Variants in CDH13 observed in about 807,000 individuals in gnomAD.
The protein encoded by CDH13 is cadherin 13.
Under a neutral mutation model 63.8 loss-of-function variants are expected in CDH13, and 24 were observed. The ratio of observed to expected loss-of-function variants is 0.38; its 90% CI spans 0.27 to 0.53. The LOEUF is 0.53. Ranked by LOEUF, CDH13 falls within the 20% of genes least tolerant of loss-of-function variation. The pLI, the probability that CDH13 is intolerant of heterozygous loss-of-function variation, is 0.85. For synonymous variants in CDH13, 503 were observed against 355.3 expected (o/e 1.42, Z -4.67); for missense variants, 1,049 against 903.1 (o/e 1.16, Z -2.07).
At position 83,486,611 on chromosome 16, in the gene CDH13, G is replaced by A; in HGVS notation, c.916G>A (p.Gly306Arg). The part of the protein sequence containing the change: ...PNMFYIDPEK[G>R]DIVTVVSPAL... ...CATGTTCTACATCGATCCTGAGAAA[G>A]GAGACATTGTCACTGTTGTGTCACC... Residue 306 changes from glycine (G) to arginine (R), a missense_variant, in exon 7 of 14, where the codon GGA becomes AGA. Physicochemically the swap from Gly to Arg is moderately radical, Grantham distance 125 (BLOSUM62 -2). Transcript: ENST00000567109. 6.2e-7 allele frequency: 1 copy of A among 1,613,964 alleles called. No homozygotes were observed. The highest frequency in any genetic ancestry group is 8.5e-7 in the Non-Finnish European group (1 of 1,179,848).
chr16:83,148,020 G>C (rs2036823072), intron 4 of CDH13, among the ~76,000 whole-genome samples: 1 of 152,144 alleles, frequency 6.6e-6, no homozygotes, highest in Non-Finnish European at 1.5e-5. Context: ...TGCAACCTCA[G>C]CCTCCTAGGT....
At chr16:83,590,728 G>C (rs191774001) in intron 7 of CDH13, among the ~76,000 whole-genome samples, 26 of 152,248 alleles carry the variant, frequency 1.7e-4, no homozygotes, top group Admixed American at 1.4e-3. Flanking sequence ...CCTGCATTGA[G>C]TCATACATTC....
intron 5 of CDH13, among the ~76,000 whole-genome samples, chr16:83,290,312 C>T (rs570622790): frequency 6.6e-4 from 100 of 152,318 alleles, no homozygotes; most frequent in Admixed American, 1.2e-3. Flanking sequence ...TCCCCACCCA[C>T]ATCTCACCTT....
chr16:83,502,451 T>A (rs2074304105), intron 7 of CDH13, among the ~76,000 whole-genome samples: 1 of 152,146 alleles, frequency 6.6e-6, no homozygotes, highest in South Asian at 2.1e-4. Flanking sequence ...ACACCTTGAT[T>A]TTAGCCCACT....
chr16:83,385,890 C>T (rs183726215), intron 6 of CDH13, among the ~76,000 whole-genome samples: 2 of 152,312 alleles, frequency 1.3e-5, no homozygotes. Context: ...TCACCTGGGT[C>T]TGATCCCATC....
At chr16:83,278,336 C>T (rs951387674) in intron 5 of CDH13, among the ~76,000 whole-genome samples, 1 of 152,152 alleles carries the variant, frequency 6.6e-6, no homozygotes, top group Admixed American at 6.5e-5. Flanking sequence ...ACCATGGGCT[C>T]CTTAAACCAA....
chr16:83,284,299 G>C (rs1379440416), intron 5 of CDH13, among the ~76,000 whole-genome samples: 1 of 152,184 alleles, frequency 6.6e-6, no homozygotes, highest in African/African-American at 2.4e-5. Context: ...GGTACTAGAT[G>C]GCGCTGGACT....
chr16:82,912,137 C>T (rs978978618), intron 2 of CDH13, among the ~76,000 whole-genome samples: 2 of 152,112 alleles, frequency 1.3e-5, no homozygotes, highest in Admixed American at 6.6e-5. Context: ...TTTCCTCATC[C>T]TCTTCTCCCC....
At chr16:83,318,395 C>G (rs116058567) in intron 5 of CDH13, among the ~76,000 whole-genome samples, 3,162 of 152,296 alleles carry the variant, frequency 0.021, 119 homozygotes, top group African/African-American at 0.069. Flanking sequence ...GTCATTTCTA[C>G]TGTTAAAACT....
chr16:83,551,355 C>A (rs1262076498), intron 7 of CDH13, among the ~76,000 whole-genome samples: 1 of 136,774 alleles, frequency 7.3e-6, no homozygotes, highest in Non-Finnish European at 1.6e-5. Flanking sequence ...GCATGAGTCA[C>A]CGCCCCTGGC....
intron 1 of CDH13, among the ~76,000 whole-genome samples, chr16:82,805,775 T>G (rs62036824): frequency 0.045 from 6,873 of 152,264 alleles, 196 homozygotes; most frequent in Admixed American, 0.066. Context: ...AAGACATGGC[T>G]TTGCCAGTCT....
At chr16:82,981,473 A>G (rs1483612032) in intron 2 of CDH13, among the ~76,000 whole-genome samples, 1 of 151,942 alleles carries the variant, frequency 6.6e-6, no homozygotes, top group African/African-American at 2.4e-5. Context: ...TGCCACAGCA[A>G]TTTTGCCCCC....
At chr16:82,768,779 G>C (rs940518466) in intron 1 of CDH13, among the ~76,000 whole-genome samples, 1 of 152,304 alleles carries the variant, frequency 6.6e-6, no homozygotes, top group South Asian at 2.1e-4. Flanking sequence ...TTTCTTTGCT[G>C]TCTAACCCAG....
intron 6 of CDH13, among the ~76,000 whole-genome samples, chr16:83,360,446 T>TA: frequency 6.6e-6 from 1 of 152,260 alleles, no homozygotes; most frequent in Middle Eastern, 3.4e-3. Flanking sequence ...ATCTATTTTT[T>TA]ATCTGCTTTT....
chr16:83,417,481 G>T (rs1026151397), intron 6 of CDH13, among the ~76,000 whole-genome samples: 2 of 152,100 alleles, frequency 1.3e-5, no homozygotes, highest in Non-Finnish European at 2.9e-5. Context: ...TGGTCACCGT[G>T]CTCTTGCCTT....
At chr16:82,925,807 C>A (rs960702807) in intron 2 of CDH13, among the ~76,000 whole-genome samples, 1 of 152,198 alleles carries the variant, frequency 6.6e-6, no homozygotes, top group Non-Finnish European at 1.5e-5. Context: ...TATCTTGATT[C>A]ACTGGCTCCA....
chr16:82,762,517 A>T (rs1460886856), intron 1 of CDH13, among the ~76,000 whole-genome samples: 1 of 152,202 alleles, frequency 6.6e-6, no homozygotes, highest in Non-Finnish European at 1.5e-5. Flanking sequence ...CTAATGATTC[A>T]AAATGACTTT....
chr16:83,160,425 G>A lies in CDH13; in HGVS notation c.483+34924G>A, dbSNP rs114674999. ...CAATTAAGACTGTGGTTGTCATAGA[G>A]ACAGACCTATGGCAATGGAGATGAA... is the stretch of plus-strand genomic sequence containing the variant. On this transcript the variant is annotated intron_variant, in intron 4 of 13. Transcript: ENST00000567109. Among the ~76,000 whole-genome samples, 1,444 of 152,248 alleles carry A rather than the reference G, an allele frequency of 9.5e-3. 22 individuals carry two copies. The highest frequency in any genetic ancestry group is 0.033 in the African/African-American group (1,377 of 41,558).
intron 4 of CDH13, among the ~76,000 whole-genome samples, chr16:83,149,193 T>C (rs1339898539): frequency 5.3e-5 from 8 of 152,236 alleles, no homozygotes; most frequent in Non-Finnish European, 1.0e-4. Context: ...TAATTTCCTG[T>C]AGCTTCATAG....
Sources: gnomAD v4.1 joint callset for allele counts (sites outside exome capture counted in the v4.1 genomes callset) on GRCh38, gnomAD v4.1.1 for gene constraint, MANE v1.5 for transcripts, NCBI Gene and HGNC (gene_info 2026-07-23, HGNC 2026-07-21) for gene names.